The following ABCA6 variants were observed in gnomAD, a reference collection of about 807,000 sequenced individuals.
ABCA6 encodes ATP-binding cassette sub-family A member 6.
Under a neutral mutation model 191.2 loss-of-function variants are expected in ABCA6, and 164 were observed. The ratio of observed to expected loss-of-function variants is 0.86; its 90% CI spans 0.76 to 0.98. The LOEUF is 0.98. ABCA6 is among the 50% of genes least tolerant of loss of function. ABCA6 has a pLI of 0.00. For synonymous variants in ABCA6, 636 were observed against 647.7 expected (o/e 0.98, Z 0.27); for missense variants, 1,958 against 1,894.1 (o/e 1.03, Z -0.63).
chr17:69,093,597 C>T (rs2072978523), intron 25 of ABCA6, among the ~76,000 whole-genome samples: 1 of 152,160 alleles, frequency 6.6e-6, no homozygotes, highest in South Asian at 2.1e-4. Flanking sequence ...AAGTTGCTCG[C>T]TTTCTTTGTT....
intron 9 of ABCA6, among the ~76,000 whole-genome samples, chr17:69,124,649 T>C (rs548303251): frequency 4.8e-4 from 73 of 151,938 alleles, no homozygotes; most frequent in Non-Finnish European, 7.5e-4. Context: ...AATTACAAGA[T>C]GTATTATAAT....
intron 22 of ABCA6, among the ~76,000 whole-genome samples, chr17:69,100,080 CT>C (rs2073141812): frequency 6.6e-6 from 1 of 152,118 alleles, no homozygotes; most frequent in Non-Finnish European, 1.5e-5. Flanking sequence ...AGTGCAATTC[CT>C]TATGACATGG....
chr17:69,102,879 C>T lies in ABCA6; in HGVS notation c.2830G>A (p.Gly944Ser). ...DDFENRNGTD[G>S]LSYNGAIIVS... ...ATGATAGCTCCATTGTATGAGAGGC[C>T]ATCAGTACCATTTCTGTTTTCAAAG... is the stretch of plus-strand genomic sequence containing the variant. Residue 944 changes from glycine to serine, a missense_variant, in exon 21 of 39, where the codon GGC becomes AGC. By Grantham distance (56) the Gly-to-Ser change is moderately conservative. Transcript: ENST00000284425. The T allele has an allele frequency of 6.2e-7, 1 of 1,600,876 alleles. No homozygotes were observed. Among genetic ancestry groups the T allele is most frequent in the African/African-American group, 1.3e-5 (1 of 74,214 alleles).
At chr17:69,100,972 T>C in intron 21 of ABCA6, 38 bp from the exon 22 acceptor site, 1 of 1,520,838 alleles carries the variant, frequency 6.6e-7, no homozygotes, top group Admixed American at 1.9e-5. Context: ...TAATGCTAAA[T>C]TCTTAAAGAA....
intron 15 of ABCA6, 190 bp from the exon 16 acceptor site, chr17:69,112,463 T>C: frequency 2.0e-6 from 1 of 497,706 alleles, no homozygotes; most frequent in East Asian, 3.2e-5. Context: ...ACTCATGATA[T>C]TATTCAGCCA....
Position 69,133,760 on chromosome 17 carries a change from A to T in ABCA6, c.672T>A (p.Ile224=), listed in dbSNP as rs2073904204. 1 of 1,612,188 alleles carries T rather than the reference A, an allele frequency of 6.2e-7. No individual in the cohort carries two copies. Among genetic ancestry groups the T allele is most frequent in the African/African-American group, 1.3e-5 (1 of 75,022 alleles). Residue 224 remains isoleucine, a synonymous_variant, in exon 6 of 39, where the codon ATT becomes ATA. Coordinates refer to ENST00000284425, the MANE Select transcript of ABCA6 (RefSeq NM_080284.3). ...TKNLLHNEMF[I]LFFLLHFSPL... Reference sequence around the variant, plus strand: ...GGGAGAAATGAAGCAAGAAGAATAAAATAAACATCTCATTGTGAAGAAGAT... The same window carrying T: ...GGGAGAAATGAAGCAAGAAGAATAATATAAACATCTCATTGTGAAGAAGAT...
chr17:69,115,725 C>A (rs1450683755), intron 11 of ABCA6: 1 of 311,160 alleles, frequency 3.2e-6, no homozygotes, highest in Admixed American at 4.9e-5. Flanking sequence ...TGGAACAGAA[C>A]AGAAGTCTAA....
At chr17:69,120,418 A>C (rs1446438038) in intron 10 of ABCA6, among the ~76,000 whole-genome samples, 1 of 152,044 alleles carries the variant, frequency 6.6e-6, no homozygotes, top group Non-Finnish European at 1.5e-5. Context: ...TGACTAAATA[A>C]CAGTAGTTAA....
At chr17:69,132,819 T>G (rs960181683) in intron 6 of ABCA6, among the ~76,000 whole-genome samples, 19 of 152,310 alleles carry the variant, frequency 1.2e-4, no homozygotes, top group African/African-American at 4.6e-4. Flanking sequence ...ATTATTTGTC[T>G]TTATTATGAC....
At chr17:69,132,415 T>C (rs2073879283) in intron 6 of ABCA6, among the ~76,000 whole-genome samples, 1 of 152,226 alleles carries the variant, frequency 6.6e-6, no homozygotes, top group South Asian at 2.1e-4. Flanking sequence ...TGCATTCCTA[T>C]CTGCTAATCT....
chr17:69,112,095 C>G, intron 16 of ABCA6, 88 bp downstream of exon 16: 1 of 969,884 alleles, frequency 1.0e-6, no homozygotes, highest in Non-Finnish European at 1.6e-6. Flanking sequence ...AGATGAAGCA[C>G]GAGGCCAGTT....
At chr17:69,141,349 T>G (rs1393091417) in intron 1 of ABCA6, among the ~76,000 whole-genome samples, 5 of 152,046 alleles carry the variant, frequency 3.3e-5, no homozygotes, top group African/African-American at 7.2e-5. Context: ...TTTTCTGAAT[T>G]CAGAAGTCCC....
At position 69,102,816 on chromosome 17, in the gene ABCA6, AG is replaced by A; in HGVS notation, c.2874+18del. 1 of 1,560,678 alleles carries A rather than the reference AG, an allele frequency of 6.4e-7. No individual in the cohort carries two copies. Among genetic ancestry groups the A allele is most frequent in the East Asian group, 2.4e-5 (1 of 42,006 alleles). On this transcript the variant is annotated intron_variant, in intron 21 of 38. Coordinates refer to ENST00000284425, the MANE Select transcript of ABCA6 (RefSeq NM_080284.3). The stretch of plus-strand genomic sequence containing the variant: ...TAGTACTTTTTGTTTTTTTCATAAA[AG>A]CAAAAAGGCAAACATACCTTTTGTT...
At chr17:69,097,849 T>C in intron 23 of ABCA6, 71 bp downstream of exon 23, 1 of 1,057,916 alleles carries the variant, frequency 9.5e-7, no homozygotes, top group Non-Finnish European at 1.3e-6. Flanking sequence ...AGAAAACATT[T>C]TGAACACATA....
intron 14 of ABCA6, 45 bp downstream of exon 14, chr17:69,113,573 G>A (rs1183224194): frequency 6.2e-7 from 1 of 1,611,250 alleles, no homozygotes; most frequent in East Asian, 2.2e-5. Flanking sequence ...TTGACATTTT[G>A]CAGACATTCG....
chr17:69,084,607 T>A, intron 32 of ABCA6, 100 bp from the exon 33 acceptor site: 1 of 1,053,638 alleles, frequency 9.5e-7, no homozygotes, highest in Non-Finnish European at 1.4e-6. Context: ...TTAGTAATAT[T>A]ATTGTCAAAA....
At chr17:69,079,144 A>C in intron 38 of ABCA6, 66 bp downstream of exon 38, 1 of 1,579,906 alleles carries the variant, frequency 6.3e-7, no homozygotes, top group Non-Finnish European at 8.7e-7. Context: ...CCAAATGAAC[A>C]GGAAAATGCA....
intron 4 of ABCA6, chr17:69,135,828 C>T: frequency 2.2e-6 from 1 of 454,718 alleles, no homozygotes; most frequent in Non-Finnish European, 3.9e-6. Flanking sequence ...TCACCTGAGG[C>T]TGGGGCCTGT....
At chr17:69,084,808 TCAC>T in intron 32 of ABCA6, among the ~76,000 whole-genome samples, 1 of 152,288 alleles carries the variant, frequency 6.6e-6, no homozygotes, top group South Asian at 2.1e-4. Context: ...GGTGATTCGT[TCAC>T]TTATTCCTTG....
Sources: gnomAD v4.1 joint callset for allele counts (sites outside exome capture counted in the v4.1 genomes callset) on GRCh38, gnomAD v4.1.1 for gene constraint, MANE v1.5 for transcripts, NCBI Gene and HGNC (gene_info 2026-07-23, HGNC 2026-07-21) for gene names.